Variants in OR1J2 observed in about 807,000 individuals in gnomAD.
The protein encoded by OR1J2 is olfactory receptor 1J2.
For synonymous variants in OR1J2, 142 were observed against 99.7 expected (o/e 1.42, Z -2.52); for missense variants, 304 against 246.1 (o/e 1.24, Z -1.57).
At chr9:122,518,531 C>T in the OR1J2 span, among the ~76,000 whole-genome samples, 1 of 152,210 alleles carries the variant, frequency 6.6e-6, no homozygotes, top group South Asian at 2.1e-4. Context: ...TGGGGTTCTA[C>T]CCTCATGACC....
upstream of OR1J2, among the ~76,000 whole-genome samples, chr9:122,506,749 AAG>A (rs1828529101): frequency 6.6e-6 from 1 of 152,100 alleles, no homozygotes; most frequent in African/African-American, 2.4e-5. Context: ...GAGACAGAGG[AAG>A]AGAGAGAAGG....
chr9:122,519,002 G>C, the OR1J2 span: 1 of 635,720 alleles, frequency 1.6e-6, no homozygotes, highest in African/African-American at 1.8e-5. Flanking sequence ...TTTTTTGTAG[G>C]GACATAGCAA....
rs145911830 is a variant in OR1J2 at position 122,511,106 on chromosome 9, AT to A, written c.312del (p.Phe104LeufsTer33). ...ILYEECISQM[Y>X]FFIFFTDLDS... ...TATGAGGAATGCATTTCTCAGATGTATTTTTTTATATTTTTTACTGACCTGG... is the reference window on the plus strand; with the variant it reads ...TATGAGGAATGCATTTCTCAGATGTATTTTTTATATTTTTTACTGACCTGG... On this transcript the variant is annotated frameshift_variant, in exon 1 of 1. Transcript: ENST00000335302. LOFTEE classifies it low-confidence loss of function (END_TRUNC). The A allele has an allele frequency of 8.2e-6, 8 of 980,200 alleles. No individual in the cohort carries two copies. The highest frequency in any genetic ancestry group is 1.3e-5 in the Non-Finnish European group (8 of 635,040). 60.7% of individuals were successfully genotyped at this position (980,200 alleles called of 1,614,324 possible).
At chr9:122,456,118 C>T in the OR1J2 span, among the ~76,000 whole-genome samples, 1,135 of 152,228 alleles carry the variant, frequency 7.5e-3, 9 homozygotes, top group African/African-American at 0.026. Context: ...ATTTTGAAGT[C>T]AGGAAGTATA....
the OR1J2 span, chr9:122,519,729 C>T: frequency 6.2e-7 from 1 of 1,614,114 alleles, no homozygotes; most frequent in Non-Finnish European, 8.5e-7. Flanking sequence ...CCTCAATGAG[C>T]TGGTCATTTT....
At chr9:122,520,921 T>C in the OR1J2 span, among the ~76,000 whole-genome samples, 1 of 152,260 alleles carries the variant, frequency 6.6e-6, no homozygotes, top group Admixed American at 6.5e-5. Context: ...CATATAGGTC[T>C]CTTTTTTCAT....
chr9:122,461,582 C>T, the OR1J2 span, among the ~76,000 whole-genome samples: 6 of 152,046 alleles, frequency 3.9e-5, no homozygotes, highest in African/African-American at 1.4e-4. Context: ...TTTGTCACTG[C>T]TTTGCTGTTT....
chr9:122,537,979 T>C, the OR1J2 span, among the ~76,000 whole-genome samples: 1 of 152,216 alleles, frequency 6.6e-6, no homozygotes, highest in African/African-American at 2.4e-5. Context: ...CCTCCTAATG[T>C]CCATGTGGGC....
the OR1J2 span, among the ~76,000 whole-genome samples, chr9:122,537,621 T>C: frequency 2.6e-5 from 4 of 152,214 alleles, no homozygotes; most frequent in African/African-American, 9.6e-5. Context: ...ATCTGTAGAT[T>C]GCTTTGGGCA....
At chr9:122,462,713 GA>G in the OR1J2 span, among the ~76,000 whole-genome samples, 1 of 152,152 alleles carries the variant, frequency 6.6e-6, no homozygotes, top group Non-Finnish European at 1.5e-5. Flanking sequence ...ATTCTTGGCT[GA>G]TAATTGTTTT....
At chr9:122,477,589 AAACTGTCTAAGT>A in the OR1J2 span, 3 of 1,614,232 alleles carry the variant, frequency 1.9e-6, no homozygotes, top group Middle Eastern at 1.6e-4. Flanking sequence ...AGTGATAAGG[AAACTGTCTAAGT>A]CAGCAAAAAA....
the OR1J2 span, among the ~76,000 whole-genome samples, chr9:122,467,539 GT>G: frequency 6.6e-6 from 1 of 152,098 alleles, no homozygotes; most frequent in African/African-American, 2.4e-5. Context: ...TCAAATACCT[GT>G]CTCTTTAAAG....
chr9:122,451,152 C>CATCATTATTATT, the OR1J2 span, among the ~76,000 whole-genome samples: 1 of 137,584 alleles, frequency 7.3e-6, no homozygotes, highest in Non-Finnish European at 1.5e-5. Context: ...CTATCACCTG[C>CATCATTATTATT]ATTATTATTA....
the OR1J2 span, chr9:122,477,545 G>T: frequency 6.2e-7 from 1 of 1,614,152 alleles, no homozygotes; most frequent in Non-Finnish European, 8.5e-7. Context: ...TGTAGAGGAT[G>T]ACAGATGGCC....
the OR1J2 span, among the ~76,000 whole-genome samples, chr9:122,557,990 G>A: frequency 6.6e-6 from 1 of 151,800 alleles, no homozygotes; most frequent in Non-Finnish European, 1.5e-5. Flanking sequence ...CATGTTTGTG[G>A]GCACAGATTT....
At position 122,511,295 on chromosome 9, in the gene OR1J2, G is replaced by C; in HGVS notation, c.494G>C (p.Arg165Pro). The C allele has an allele frequency of 1.4e-6, 1 of 734,326 alleles. No individual in the cohort carries two copies. The highest frequency in any genetic ancestry group is 1.7e-5 in the African/African-American group (1 of 57,524). The allele number at this position is 734,326 out of a possible 1,614,324, so 45.5% of individuals were successfully genotyped here. Reference sequence around the variant, plus strand: ...CTCTCTCACACCCTTCTCCTGACCCGGCTGTCTTTCTGTGCTGCGAACACC... The same window carrying C: ...CTCTCTCACACCCTTCTCCTGACCCCGCTGTCTTTCTGTGCTGCGAACACC... ...SSLSHTLLLTRLSFCAANTIP... is the reference protein window; with the variant it reads ...SSLSHTLLLTPLSFCAANTIP... The change falls in exon 1 of 1, where the codon CGG becomes CCG. Residue 165 changes from arginine (R) to proline (P), a missense_variant. Physicochemically the swap from Arg to Pro is moderately radical, Grantham distance 103 (BLOSUM62 -2). Transcript: ENST00000335302.
At chr9:122,579,364 G>T in the OR1J2 span, among the ~76,000 whole-genome samples, 2 of 152,022 alleles carry the variant, frequency 1.3e-5, no homozygotes, top group Admixed American at 1.3e-4. Context: ...TAAAAATTTT[G>T]CACTAACTTT....
At chr9:122,500,576 A>G in the OR1J2 span, among the ~76,000 whole-genome samples, 3 of 152,224 alleles carry the variant, frequency 2.0e-5, no homozygotes, top group Non-Finnish European at 4.4e-5. Context: ...CGATTTCATG[A>G]TATGGCCATG....
the OR1J2 span, among the ~76,000 whole-genome samples, chr9:122,458,243 G>A: frequency 6.6e-6 from 1 of 152,070 alleles, no homozygotes; most frequent in Admixed American, 6.5e-5. Context: ...ATGTTGAAAC[G>A]TGTCAGTTGT....
Sources: gnomAD v4.1 joint callset for allele counts (sites outside exome capture counted in the v4.1 genomes callset) on GRCh38, gnomAD v4.1.1 for gene constraint, MANE v1.5 for transcripts, NCBI Gene and HGNC (gene_info 2026-07-23, HGNC 2026-07-21) for gene names.